Variants in OBSL1 observed in about 807,000 individuals in gnomAD.
OBSL1 encodes the protein obscurin like cytoskeletal adaptor 1.
In OBSL1, 160 loss-of-function variants were observed where a neutral mutation model predicts 172.0. The ratio of observed to expected loss-of-function variants is 0.93; its 90% CI spans 0.82 to 1.06. The LOEUF (loss-of-function observed/expected upper bound fraction) is 1.06, where lower values mean the gene tolerates loss of function less well. Among genes scored for constraint, OBSL1 ranks in the 50% least tolerant of loss-of-function variants. The probability of loss-of-function intolerance (pLI) is 0.00; values close to 1 mark genes in which losing one functional copy is unlikely to be tolerated. For missense variants in OBSL1, 2,681 were observed against 2,715.4 expected (o/e 0.99, Z 0.28); for synonymous variants, 1,200 against 1,196.3 (o/e 1.00, Z -0.06).
Position 219,563,650 on chromosome 2 carries a change from A to G in OBSL1, c.2408-23T>C, listed in dbSNP as rs775375102. ...GATCTGGGTGGGAAGCAGAGATGGC[A>G]TTGCACAGACACCCCCGCACAATGA... On this transcript the variant is annotated intron_variant, in intron 6 of 20. Transcript: ENST00000404537. 6.2e-6 allele frequency: 10 copies of G among 1,604,106 alleles called. No individual in the cohort carries two copies. The South Asian group carries it at 1.1e-4, about 18-fold the overall frequency.
rs753879891 is a variant in OBSL1, at chr2:219,566,990, C to G, written c.1974G>C (p.Glu658Asp). The G allele has an allele frequency of 9.3e-6, 15 of 1,613,672 alleles. No homozygotes were observed. The African/African-American group carries it at 1.9e-4, about 20-fold the overall frequency. ...CCCCAGGTTCCACCTGGCCCTCCGG[C>G]TCGTTACTCTTGAGCTCTTCCCCAT... Reference protein sequence around the residue: ...FLNGEELKSNEPEGQVEPGAL... With the variant: ...FLNGEELKSNDPEGQVEPGAL... The change falls in exon 5 of 21, where the codon GAG becomes GAC. Residue 658 changes from glutamate (E) to aspartate (D), a missense_variant. By Grantham distance (45) the Glu-to-Asp change is conservative. Around this residue, in one of 5 missense-constraint regions of OBSL1, gnomAD observed 1,765 missense variants for 1,748.3 expected, o/e 1.01. Coordinates refer to ENST00000404537, the MANE Select transcript of OBSL1 (RefSeq NM_015311.3).
rs753558905 is a variant in OBSL1, at chr2:219,559,384, A to G, written c.3067T>C (p.Tyr1023His). ...LSREDAPVRW[Y>H]KDGLEVEESE... ...TCCTCCACTTCCAGCCCATCCTTGT[A>G]CCAGCGCACAGGGGCATCCTCCCGA... The change falls in exon 9 of 21, where the codon TAC (tyrosine) becomes CAC (histidine). Residue 1023 changes from tyrosine to histidine, a missense_variant. This residue lies in a region of OBSL1 where 1,765 missense variants were observed against 1,748.3 expected (regional missense o/e 1.01). Transcript: ENST00000404537. 12 of 1,613,842 alleles carry G rather than the reference A, an allele frequency of 7.4e-6. No individual in the cohort carries two copies. Among genetic ancestry groups the G allele is most frequent in the Non-Finnish European group, 6.8e-6 (8 of 1,179,868 alleles).
rs753842577 is a variant in OBSL1, at chr2:219,558,076, A to G, written c.3537T>C (p.Thr1179=). The change falls in exon 11 of 21, where the codon ACT becomes ACC. Residue 1179 remains threonine, a synonymous_variant. Transcript: ENST00000404537. ...CAGGGGCCACACAGAGCGGGCTTGG[A>G]GTTGTCTCTAGAGCAAGGAACTGCA... ...PPVQFLALET[T]PSPLCVAPGE... The G allele has an allele frequency of 6.2e-7, 1 of 1,613,718 alleles. No homozygotes were observed. Among genetic ancestry groups the G allele is most frequent in the Admixed American group, 1.7e-5 (1 of 60,002 alleles).
rs751351118 is a variant in OBSL1 at position 219,562,645 on chromosome 2, C to T, written c.2710G>A (p.Gly904Ser). ...DVSSWIVYPS[G>S]KVYVAAVRLE... ...CGCACGGCTGCCACATACACCTTGC[C>T]GCTGGGATACACGATCCACGAGGAG... Residue 904 changes from glycine (G) to serine (S), a missense_variant, in exon 8 of 21, where the codon GGC becomes AGC. Physicochemically the swap from Gly to Ser is moderately conservative, Grantham distance 56. Around this residue, in one of 5 missense-constraint regions of OBSL1, gnomAD observed 1,765 missense variants for 1,748.3 expected, o/e 1.01. Coordinates refer to ENST00000404537, the MANE Select transcript of OBSL1 (RefSeq NM_015311.3). 50 of 1,567,414 alleles carry T rather than the reference C, an allele frequency of 3.2e-5. No homozygotes were observed. The Admixed American group carries it at 4.7e-4, about 15-fold the overall frequency.
intron 8 of OBSL1, chr2:219,561,962 G>A (rs1434053330): frequency 1.4e-6 from 1 of 717,414 alleles, no homozygotes; most frequent in Non-Finnish European, 2.6e-6. Context: ...TCAAGAGGAC[G>A]CATAACTCCG....
chr2:219,567,546 TG>T lies in OBSL1; in HGVS notation c.1563del (p.Ile522TyrfsTer15), dbSNP rs1339826162. On this transcript the variant is annotated frameshift_variant, in exon 4 of 21. Transcript: ENST00000404537. LOFTEE classifies it high-confidence loss of function. ...KCVKHSPPGPPILAEMFKGHK... is the reference protein window; with the variant it reads ...KCVKHSPPGPXILAEMFKGHK... The stretch of plus-strand genomic sequence containing the variant: ...TGGCCCTTGAACATCTCTGCCAATA[TG>T]GGGGGTCCTGGGGGACTGTGCTTGA... The T allele has an allele frequency of 1.2e-6, 2 of 1,611,906 alleles. No individual in the cohort carries two copies. Among genetic ancestry groups the T allele is most frequent in the Admixed American group, 1.7e-5 (1 of 59,896 alleles).
rs1696147014 is a variant in OBSL1, at chr2:219,557,870, C to T, written c.3743G>A (p.Gly1248Glu). 6.2e-7 allele frequency: 1 copy of T among 1,601,772 alleles called. No homozygotes were observed. Among genetic ancestry groups the T allele is most frequent in the Non-Finnish European group, 8.5e-7 (1 of 1,179,598 alleles). The change falls in exon 11 of 21, where the codon GGA becomes GAA. Residue 1248 changes from glycine (G) to glutamate (E), a missense_variant. This residue lies in a region of OBSL1 where 1,765 missense variants were observed against 1,748.3 expected (regional missense o/e 1.01). Transcript: ENST00000404537. ...GAGGCTTGGGGCTCCGGGGGCTGCTCCAGACTGGCAGGTGTAGAGCCCTGC... is the reference window on the plus strand; with the variant it reads ...GAGGCTTGGGGCTCCGGGGGCTGCTTCAGACTGGCAGGTGTAGAGCCCTGC... ...AHAGLYTCQSGAAPGAPSLSF... is the reference protein window; with the variant it reads ...AHAGLYTCQSEAAPGAPSLSF...
At chr2:219,549,924 T>G (rs1251389944), downstream of OBSL1, 5 of 1,567,998 alleles carry the variant, frequency 3.2e-6, no homozygotes, top group Admixed American at 8.7e-5. Context: ...AGGCTGCCAC[T>G]CAGCCTCCTG....
intron 17 of OBSL1, 29 bp downstream of exon 17, chr2:219,552,839 G>C (rs1056770736): frequency 3.2e-6 from 5 of 1,541,510 alleles, no homozygotes; most frequent in Non-Finnish European, 3.5e-6. Flanking sequence ...CCAAAGCAGT[G>C]CCCAGCCTCC....
At position 219,557,492 on chromosome 2, in the gene OBSL1, C is replaced by T. The variant is rs970112460; in HGVS notation, c.3917G>A (p.Gly1306Glu). ...PGGPVRWYKD[G>E]ERLASQGRVQ... ...CCGCCCCTGGCTTGCCAGTCGCTCCCCGTCCTTGTACCAGCGTACAGGGCC... is the reference window on the plus strand; with the variant it reads ...CCGCCCCTGGCTTGCCAGTCGCTCCTCGTCCTTGTACCAGCGTACAGGGCC... The change falls in exon 12 of 21, where the codon GGG (glycine) becomes GAG (glutamate). Residue 1306 changes from glycine to glutamate, a missense_variant. Around this residue, in one of 5 missense-constraint regions of OBSL1, gnomAD observed 1,765 missense variants for 1,748.3 expected, o/e 1.01. Coordinates refer to ENST00000404537, the MANE Select transcript of OBSL1 (RefSeq NM_015311.3). The T allele has an allele frequency of 1.9e-6, 3 of 1,553,176 alleles. No individual in the cohort carries two copies. Among genetic ancestry groups the T allele is most frequent in the South Asian group, 1.2e-5 (1 of 84,268 alleles).
chr2:219,549,630 G>C (rs1284093102), downstream of OBSL1: 2 of 1,575,102 alleles, frequency 1.3e-6, no homozygotes, highest in East Asian at 4.5e-5. Context: ...GTCTATAGAA[G>C]TGTCAGGCTT....
chr2:219,561,498 A>C (rs1696463821), intron 8 of OBSL1, among the ~76,000 whole-genome samples: 1 of 152,142 alleles, frequency 6.6e-6, no homozygotes, highest in Admixed American at 6.5e-5. Context: ...TCCCAGCCCC[A>C]GGGTCCCTAG....
At chr2:219,566,323 G>A (rs1696885240) in intron 5 of OBSL1, among the ~76,000 whole-genome samples, 1 of 151,862 alleles carries the variant, frequency 6.6e-6, no homozygotes, top group African/African-American at 2.4e-5. Context: ...AGGTTGCAGT[G>A]AGCCGAGATC....
At chr2:219,551,935 AC>A in intron 19 of OBSL1, 137 bp from the exon 20 acceptor site, 1 of 870,480 alleles carries the variant, frequency 1.1e-6, no homozygotes, top group Non-Finnish European at 1.8e-6. Flanking sequence ...TGCACCTCAG[AC>A]CCAAAGTCTC....
chr2:219,549,166 C>A, downstream of OBSL1: 1 of 1,613,932 alleles, frequency 6.2e-7, no homozygotes, highest in Non-Finnish European at 8.5e-7. Context: ...CATCAGCCGG[C>A]AGCGCCGACG....
chr2:219,560,801 G>A (rs910877307), intron 8 of OBSL1, among the ~76,000 whole-genome samples: 2 of 152,252 alleles, frequency 1.3e-5, no homozygotes, highest in African/African-American at 4.8e-5. Flanking sequence ...AAGGCCAGGA[G>A]AGACCAGAAT....
chr2:219,563,755 G>T (rs1696672391), intron 6 of OBSL1, 128 bp from the exon 7 acceptor site: 2 of 982,620 alleles, frequency 2.0e-6, no homozygotes, highest in Non-Finnish European at 3.0e-6. Flanking sequence ...CTGCTGTGTA[G>T]GGACTCAGGG....
rs200723165 is a variant in OBSL1, at chr2:219,563,435, G to T, written c.2600C>A (p.Pro867His). 242 of 1,613,616 alleles carry T rather than the reference G, an allele frequency of 1.5e-4. No individual in the cohort carries two copies. In the Admixed American group the frequency reaches 3.9e-3, roughly 26 times the overall value. Residue 867 changes from proline (P) to histidine (H), a missense_variant, in exon 7 of 21, where the codon CCC becomes CAC. This residue lies in a region of OBSL1 where 1,765 missense variants were observed against 1,748.3 expected (regional missense o/e 1.01). Transcript: ENST00000404537. ...GCCCCCGTCTGAGGGCTGGGTGGCG[G>T]GCAGCACCAGGCGGCGATGGGGCCC... Reference protein sequence around the residue: ...NEGPHRRLVLPATQPSDGGEF... With the variant: ...NEGPHRRLVLHATQPSDGGEF...
At chr2:219,559,080 GC>G in intron 9 of OBSL1, 144 bp downstream of exon 9, 1 of 759,344 alleles carries the variant, frequency 1.3e-6, no homozygotes, top group Non-Finnish European at 2.1e-6. Context: ...ACCTGATGTG[GC>G]TAAGCAGGAT....
Sources: allele counts gnomAD v4.1 joint callset (sites outside exome capture counted in the v4.1 genomes callset), GRCh38; gene constraint gnomAD v4.1.1; regional missense constraint gnomAD v4.1.1; transcripts MANE v1.5; gene names NCBI Gene and HGNC (gene_info 2026-07-23, HGNC 2026-07-21).